Variants in LRBA observed in about 807,000 individuals in gnomAD.
LRBA encodes the protein LPS responsive beige-like anchor protein.
In LRBA, 176 loss-of-function variants were observed where a neutral mutation model predicts 330.0. That is an observed-to-expected ratio of 0.53 (90% CI 0.47 to 0.60). LRBA has a LOEUF of 0.60. LRBA is among the 20% of genes least tolerant of loss of function. The pLI is 0.00. For synonymous variants in LRBA, 1,230 were observed against 1,193.0 expected (o/e 1.03, Z -0.64); for missense variants, 3,259 against 3,444.8 (o/e 0.95, Z 1.35).
In LRBA at chr4:150,265,101, A is replaced by AAAT. The variant is rs1184072768; in HGVS notation, c.*618_*620dup. The AAAT allele has an allele frequency of 6.5e-6, 1 of 152,792 alleles. No homozygotes were observed. The highest frequency in any genetic ancestry group is 6.5e-5 in the Admixed American group (1 of 15,296). 9.5% of individuals were successfully genotyped at this position (152,792 alleles called of 1,614,324 possible). A position where few individuals can be genotyped will look rare whatever the true frequency, so the allele number is the denominator to read the frequency against. ...ATGGTAACTATTTCACACTTGCTAT[A>AAAT]AATTAGATTCCTTGTGCTAACCACA... On this transcript the variant is annotated 3_prime_UTR_variant, in exon 57 of 57. Coordinates refer to ENST00000651943, the MANE Select transcript of LRBA (RefSeq NM_001364905.1).
At chr4:150,729,005 GTAT>G (rs1272984952) in intron 36 of LRBA, among the ~76,000 whole-genome samples, 2 of 152,270 alleles carry the variant, frequency 1.3e-5, no homozygotes, top group Non-Finnish European at 2.9e-5. Context: ...TAAAGTTGCA[GTAT>G]ACAAAAACCA....
intron 22 of LRBA, among the ~76,000 whole-genome samples, chr4:150,861,662 C>T (rs1381885252): frequency 6.6e-6 from 1 of 152,124 alleles, no homozygotes; most frequent in East Asian, 1.9e-4. Context: ...ATATAGGCTA[C>T]ACTAAATTTA....
rs147397117 is a variant in LRBA, at chr4:150,402,054, G to C, written c.7194+13384C>G. ...GCCTGTAATCCCAGCACTTTCAGAG[G>C]CCGAGACGGGCAAATCATAAGGTCA... On this transcript the variant is annotated intron_variant, in intron 47 of 56. Coordinates refer to ENST00000651943, the MANE Select transcript of LRBA (RefSeq NM_001364905.1). Among the ~76,000 whole-genome samples, 1,263 of 151,464 alleles carry C rather than the reference G, an allele frequency of 8.3e-3. 15 individuals are homozygous for C. The highest frequency in any genetic ancestry group is 0.029 in the African/African-American group (1,201 of 41,212).
intron 46 of LRBA, among the ~76,000 whole-genome samples, chr4:150,431,836 T>C (rs982143177): frequency 2.6e-5 from 4 of 151,968 alleles, no homozygotes; most frequent in Non-Finnish European, 5.9e-5. Flanking sequence ...AGATCTGAAA[T>C]GGAATCACCA....
At chr4:151,000,551 G>A (rs1743212636) in intron 2 of LRBA, among the ~76,000 whole-genome samples, 1 of 152,182 alleles carries the variant, frequency 6.6e-6, no homozygotes, top group South Asian at 2.1e-4. Flanking sequence ...GGAGAGGGTA[G>A]TCACTTAGTA....
intron 47 of LRBA, among the ~76,000 whole-genome samples, chr4:150,377,618 C>T (rs1335769259): frequency 6.6e-6 from 1 of 152,084 alleles, no homozygotes; most frequent in East Asian, 1.9e-4. Context: ...TTCCATAAGA[C>T]ATGTACCCAC....
chr4:150,914,262 T>G lies in LRBA; in HGVS notation c.1094A>C (p.Tyr365Ser). Residue 365 changes from tyrosine (Y) to serine (S), a missense_variant, in exon 9 of 57, where the codon TAC becomes TCC. Tyr to Ser is a moderately radical substitution (Grantham distance 144, BLOSUM62 -2). Transcript: ENST00000651943. ...TGCATTTAGAGCTTCACTGAAAAGG[T>G]AAACTGCAGTCATCTGACCACAGAA... Reference protein sequence around the residue: ...RVFCGQMTAVYLFSEALNAAQ... With the variant: ...RVFCGQMTAVSLFSEALNAAQ... 1 of 1,609,874 alleles carries G rather than the reference T, an allele frequency of 6.2e-7. No individual in the cohort carries two copies. The highest frequency in any genetic ancestry group is 8.5e-7 in the Non-Finnish European group (1 of 1,177,774).
intron 37 of LRBA, among the ~76,000 whole-genome samples, chr4:150,673,014 T>C (rs1331143300): frequency 1.3e-5 from 2 of 152,082 alleles, no homozygotes; most frequent in African/African-American, 4.8e-5. Flanking sequence ...CTCAAAATGG[T>C]GAAGTGGGAG....
chr4:150,322,834 C>G (rs1318502265), intron 49 of LRBA, among the ~76,000 whole-genome samples: 1 of 152,170 alleles, frequency 6.6e-6, no homozygotes, highest in Non-Finnish European at 1.5e-5. Flanking sequence ...GTCCAACTAT[C>G]TGATGGTGTG....
chr4:150,291,030 T>C (rs555231667), intron 53 of LRBA, among the ~76,000 whole-genome samples: 20 of 151,438 alleles, frequency 1.3e-4, no homozygotes, highest in Non-Finnish European at 2.4e-4. Context: ...TATGTATACA[T>C]GTGCCATGCT....
intron 34 of LRBA, among the ~76,000 whole-genome samples, chr4:150,762,248 C>A (rs572905299): frequency 1.6e-4 from 24 of 151,906 alleles, no homozygotes; most frequent in African/African-American, 5.5e-4. Flanking sequence ...AGTTCAATAA[C>A]CCTAATAAAA....
intron 44 of LRBA, among the ~76,000 whole-genome samples, chr4:150,461,085 G>C (rs916764100): frequency 6.6e-6 from 1 of 151,716 alleles, no homozygotes; most frequent in African/African-American, 2.4e-5. Context: ...ATCAAAAAAG[G>C]CTGGAGCATA....
chr4:150,439,089 T>C (rs1229533053), intron 44 of LRBA, among the ~76,000 whole-genome samples: 2 of 152,192 alleles, frequency 1.3e-5, no homozygotes, highest in East Asian at 3.8e-4. Context: ...TGTATTTTAG[T>C]TGTTGTCCCT....
chr4:150,608,474 A>G (rs1443425909), intron 37 of LRBA, among the ~76,000 whole-genome samples: 1 of 152,210 alleles, frequency 6.6e-6, no homozygotes, highest in Non-Finnish European at 1.5e-5. Flanking sequence ...CAAAAAAGAC[A>G]AATGAGCAAA....
chr4:150,786,342 C>G (rs1645583751), intron 34 of LRBA, among the ~76,000 whole-genome samples: 1 of 149,988 alleles, frequency 6.7e-6, no homozygotes, highest in African/African-American at 2.5e-5. Context: ...CTCCTGGGTT[C>G]AAGCTATTCT....
chr4:150,927,396 CAGAA>C (rs1734004678), intron 4 of LRBA, among the ~76,000 whole-genome samples: 1 of 148,020 alleles, frequency 6.8e-6, no homozygotes, highest in South Asian at 2.1e-4. Flanking sequence ...AAAAAATTTA[CAGAA>C]AGAAAAATAT....
At chr4:150,311,861 C>T (rs891210152) in intron 51 of LRBA, among the ~76,000 whole-genome samples, 1 of 152,090 alleles carries the variant, frequency 6.6e-6, no homozygotes, top group Non-Finnish European at 1.5e-5. Flanking sequence ...AGACAGTGTC[C>T]ACCAACAGCA....
At chr4:150,873,226 A>G (rs1753634600) in intron 17 of LRBA, among the ~76,000 whole-genome samples, 1 of 152,220 alleles carries the variant, frequency 6.6e-6, no homozygotes, top group Non-Finnish European at 1.5e-5. Context: ...ATTTACAACC[A>G]AAGAACTGCT....
intron 37 of LRBA, among the ~76,000 whole-genome samples, chr4:150,661,616 T>C (rs1372073117): frequency 6.6e-6 from 1 of 152,014 alleles, no homozygotes; most frequent in Non-Finnish European, 1.5e-5. Context: ...TGTTTTATTT[T>C]ATTTTTATTT....
Sources: gnomAD v4.1 joint callset for allele counts (sites outside exome capture counted in the v4.1 genomes callset) on GRCh38, gnomAD v4.1.1 for gene constraint, MANE v1.5 for transcripts, NCBI Gene and HGNC (gene_info 2026-07-23, HGNC 2026-07-21) for gene names.